RFX3: variants seen among roughly 807,000 people sequenced by gnomAD.
RFX3 encodes transcription factor RFX3.
RFX3 carries 14 observed loss-of-function variants against 98.6 expected under a neutral mutation model. That is an observed-to-expected ratio of 0.14 (90% CI 0.09 to 0.22). RFX3 has a LOEUF of 0.22. Ranked by LOEUF, RFX3 falls within the 10% of genes least tolerant of loss-of-function variation. The pLI, the probability that RFX3 is intolerant of heterozygous loss-of-function variation, is 1.00. For missense variants in RFX3, 639 were observed against 926.9 expected (o/e 0.69, Z 4.03); for synonymous variants, 383 against 328.4 (o/e 1.17, Z -1.80).
At chr9:3,374,846 C>G (rs1055139344) in intron 2 of RFX3, among the ~76,000 whole-genome samples, 24 of 116,772 alleles carry the variant, frequency 2.1e-4, no homozygotes, top group African/African-American at 8.1e-4. Context: ...TGTATTTTAC[C>G]ATAATTTTTA....
chr9:3,302,353 T>C (rs937200508), intron 4 of RFX3, among the ~76,000 whole-genome samples: 1 of 151,754 alleles, frequency 6.6e-6, no homozygotes, highest in African/African-American at 2.4e-5. Context: ...CAGCATACCA[T>C]GTACGATTAT....
Position 3,301,526 on chromosome 9 carries a change from A to C in RFX3, c.549+20T>G, listed in dbSNP as rs950529901. ...CAGAACAAGCAAGAGATTAGTGTAC[A>C]TGAAGAAGAGGCAACTTACATGGCT... is the stretch of plus-strand genomic sequence containing the variant. On this transcript the variant is annotated intron_variant, in intron 5 of 16. Transcript: ENST00000617270. The C allele has an allele frequency of 1.3e-6, 2 of 1,562,866 alleles. No individual in the cohort carries two copies. The highest frequency in any genetic ancestry group is 1.8e-6 in the Non-Finnish European group (2 of 1,137,124).
intron 4 of RFX3, among the ~76,000 whole-genome samples, chr9:3,321,206 A>T (rs1015495422): frequency 6.6e-6 from 1 of 151,990 alleles, no homozygotes; most frequent in Non-Finnish European, 1.5e-5. Context: ...CCCCGACCCC[A>T]ATCTTTTTCT....
At chr9:3,349,671 T>C (rs562074512) in intron 2 of RFX3, among the ~76,000 whole-genome samples, 1 of 152,182 alleles carries the variant, frequency 6.6e-6, no homozygotes, top group East Asian at 1.9e-4. Context: ...TAGACAAACG[T>C]GCAAATGTAT....
chr9:3,339,064 G>A (rs1833548680), intron 3 of RFX3, among the ~76,000 whole-genome samples: 1 of 152,044 alleles, frequency 6.6e-6, no homozygotes, highest in Non-Finnish European at 1.5e-5. Context: ...ACTCCAGCCT[G>A]GGCGACAGAG....
rs1294373274 is a variant in RFX3, at chr9:3,248,121, G to A, written c.1879C>T (p.Arg627Cys). 6.2e-7 allele frequency: 1 copy of A among 1,613,838 alleles called. No individual in the cohort carries two copies. Among genetic ancestry groups the A allele is most frequent in the Non-Finnish European group, 8.5e-7 (1 of 1,179,866 alleles). Residue 627 changes from arginine (R) to cysteine (C), a missense_variant, in exon 15 of 17, where the codon CGT becomes TGT. By Grantham distance (180) the Arg-to-Cys change is radical. Transcript: ENST00000617270. ...AACATATATTCGTCGTAGAGTAGAC[G>A]GATCAGGTGGAAGGAGCCAAAGCTA... Reference protein sequence around the residue: ...AASFGSFHLIRLLYDEYMFYL... With the variant: ...AASFGSFHLICLLYDEYMFYL...
chr9:3,385,287 C>T (rs547471734), intron 2 of RFX3, among the ~76,000 whole-genome samples: 1 of 151,942 alleles, frequency 6.6e-6, no homozygotes, highest in Non-Finnish European at 1.5e-5. Context: ...AGAACTAATG[C>T]TAAAATTGAT....
chr9:3,396,186 C>T lies in RFX3; in HGVS notation c.-8-590G>A, dbSNP rs550533672. On this transcript the variant is annotated intron_variant, in intron 1 of 16. Coordinates refer to ENST00000617270, the MANE Select transcript of RFX3 (RefSeq NM_001282116.2). ...GTATATCTCCTAATGCTATGCCTCC[C>T]CCCTCCCCTCCACCCCACAACAGGC... is the stretch of plus-strand genomic sequence containing the variant. Among the ~76,000 whole-genome samples the T allele has an allele frequency of 1.2e-4, 18 of 152,096 alleles. No individual in the cohort carries two copies. The South Asian group carries it at 2.5e-3, about 21-fold the overall frequency.
At chr9:3,374,606 G>C (rs957707024) in intron 2 of RFX3, among the ~76,000 whole-genome samples, 2 of 152,154 alleles carry the variant, frequency 1.3e-5, no homozygotes, top group Non-Finnish European at 2.9e-5. Flanking sequence ...GAAATAAACA[G>C]ATCACAAAAA....
At chr9:3,519,992 C>T (rs1286509817) in intron 1 of RFX3, among the ~76,000 whole-genome samples, 3 of 151,948 alleles carry the variant, frequency 2.0e-5, no homozygotes, top group Non-Finnish European at 4.4e-5. Flanking sequence ...AGCCTGTAGT[C>T]CTAGCTACTC....
At chr9:3,270,799 C>T (rs1824324161) in intron 10 of RFX3, 1 of 713,268 alleles carries the variant, frequency 1.4e-6, no homozygotes, top group Non-Finnish European at 2.3e-6. Context: ...CCACAGTCCC[C>T]CAAATCAGTA....
chr9:3,229,027 G>C (rs576318946), intron 15 of RFX3, 138 bp from the exon 16 acceptor site: 3 of 595,126 alleles, frequency 5.0e-6, no homozygotes, highest in Non-Finnish European at 8.5e-6. Flanking sequence ...TAATTACATG[G>C]ATCACATAAT....
chr9:3,400,737 T>C (rs1001407719), intron 1 of RFX3, among the ~76,000 whole-genome samples: 1 of 152,240 alleles, frequency 6.6e-6, no homozygotes, highest in Non-Finnish European at 1.5e-5. Flanking sequence ...TCTCATGTAA[T>C]AGTTTTTTCC....
chr9:3,302,035 C>T (rs928470114), intron 4 of RFX3, among the ~76,000 whole-genome samples: 5 of 151,572 alleles, frequency 3.3e-5, no homozygotes, highest in Admixed American at 1.3e-4. Flanking sequence ...AAAATCATAC[C>T]GCAGATTTTG....
intron 1 of RFX3, among the ~76,000 whole-genome samples, chr9:3,500,650 T>A (rs1422001949): frequency 6.6e-6 from 1 of 152,164 alleles, no homozygotes; most frequent in Non-Finnish European, 1.5e-5. Context: ...GCCTAATGTA[T>A]GAAAACCTTT....
chr9:3,339,068 G>A (rs546769113), intron 3 of RFX3, among the ~76,000 whole-genome samples: 7 of 152,040 alleles, frequency 4.6e-5, no homozygotes, highest in East Asian at 1.9e-4. Context: ...CAGCCTGGGC[G>A]ACAGAGCAAG....
rs569935475 is a variant in RFX3, at chr9:3,447,938, G to A, written c.-8-52342C>T. Among the ~76,000 whole-genome samples, 10 of 152,014 alleles carry A rather than the reference G, an allele frequency of 6.6e-5. No homozygotes were observed. In the South Asian group the frequency reaches 8.3e-4, roughly 13 times the overall value. On this transcript the variant is annotated intron_variant, in intron 1 of 16. Transcript: ENST00000617270. ...TAATCAGGCAAGCCTAATATACTCC[G>A]TCTCACAGACAACTTAACAGAGCTC... is the stretch of plus-strand genomic sequence containing the variant.
chr9:3,446,410 A>AT (rs1846054671), intron 1 of RFX3, among the ~76,000 whole-genome samples: 1 of 152,020 alleles, frequency 6.6e-6, no homozygotes, highest in South Asian at 2.1e-4. Context: ...TGATGCAAGA[A>AT]TTAATTCTCA....
intron 4 of RFX3, among the ~76,000 whole-genome samples, chr9:3,312,876 C>G (rs551034724): frequency 1.1e-4 from 16 of 152,352 alleles, no homozygotes; most frequent in East Asian, 7.7e-4. Context: ...GAAGCTCCAA[C>G]TTGGTGGAGC....
Sources: gnomAD v4.1 joint callset for allele counts (sites outside exome capture counted in the v4.1 genomes callset) on GRCh38, gnomAD v4.1.1 for gene constraint, MANE v1.5 for transcripts, NCBI Gene and HGNC (gene_info 2026-07-23, HGNC 2026-07-21) for gene names.